Variants in PRKN observed in about 807,000 individuals in gnomAD.
PRKN encodes E3 ubiquitin-protein ligase parkin.
Under a neutral mutation model 59.5 loss-of-function variants are expected in PRKN, and 56 were observed. The ratio of observed to expected loss-of-function variants is 0.94; its 90% confidence interval spans 0.76 to 1.18. The LOEUF (loss-of-function observed/expected upper bound fraction) is 1.18. PRKN is among the 50% of genes most tolerant of loss of function. The pLI is 0.00. For missense variants in PRKN, 657 were observed against 596.4 expected, an observed-to-expected ratio of 1.10 and a Z score of -1.06; for synonymous variants, 250 against 222.1, an observed-to-expected ratio of 1.13 and a Z score of -1.12.
chr6:162,177,118 G>A (rs1031589750), intron 4 of PRKN, among the ~76,000 whole-genome samples: 7 of 151,522 alleles, frequency 4.6e-5, no homozygotes, highest in Non-Finnish European at 8.8e-5. Context: ...ACACACACAT[G>A]CACAGGCACT....
At chr6:162,523,376 C>T (rs970633925) in intron 1 of PRKN, among the ~76,000 whole-genome samples, 6 of 151,986 alleles carry the variant, frequency 3.9e-5, no homozygotes, top group African/African-American at 1.4e-4. Flanking sequence ...AGAAAAACTC[C>T]ATTGGGCTAG....
At chr6:162,189,840 TCATTTGTTTGTAGCA>T (rs67582702) in intron 4 of PRKN, among the ~76,000 whole-genome samples, 44,571 of 152,022 alleles carry the variant, frequency 0.29, 7,795 homozygotes, top group Non-Finnish European at 0.38. Context: ...AGCATGGTTC[TCATTTGTTTGTAGCA>T]CATTATGGGA....
At chr6:162,500,781 GA>G (rs1184444269) in intron 1 of PRKN, among the ~76,000 whole-genome samples, 2 of 152,170 alleles carry the variant, frequency 1.3e-5, no homozygotes, top group African/African-American at 4.8e-5. Context: ...TGTATTGAAA[GA>G]AGGGCCTTAA....
chr6:162,147,885 A>G (rs1339253865), intron 4 of PRKN, among the ~76,000 whole-genome samples: 1 of 152,234 alleles, frequency 6.6e-6, no homozygotes, highest in Non-Finnish European at 1.5e-5. Context: ...TTGTCCACAG[A>G]AATAACTTAT....
intron 2 of PRKN, among the ~76,000 whole-genome samples, chr6:162,325,776 A>G (rs1783240120): frequency 6.6e-6 from 1 of 152,208 alleles, no homozygotes; most frequent in Admixed American, 6.5e-5. Context: ...TGCAAGTTTT[A>G]TGCCCTTTAG....
intron 6 of PRKN, 109 bp downstream of exon 6, chr6:161,973,193 G>T: frequency 2.6e-6 from 2 of 764,238 alleles, no homozygotes; most frequent in Non-Finnish European, 4.7e-6. Flanking sequence ...ACTGAGGAAG[G>T]CTCGTGTGGC....
At position 162,607,443 on chromosome 6, in the gene PRKN, A is replaced by G. The variant is rs559766805; in HGVS notation, c.7+120219T>C. Among the ~76,000 whole-genome samples the G allele has an allele frequency of 3.3e-5, 5 of 152,248 alleles. No homozygotes were observed. The South Asian group carries it at 1.0e-3, about 32-fold the overall frequency. On this transcript the variant is annotated intron_variant, in intron 1 of 11. Coordinates refer to ENST00000366898, the MANE Select transcript of PRKN (RefSeq NM_004562.3). ...ACTAATATTAGGTGGAGACAAAGCA[A>G]GTGAGACCAGAAGCACAACTTTACC...
At chr6:162,090,691 T>C (rs949384179) in intron 4 of PRKN, among the ~76,000 whole-genome samples, 17 of 152,192 alleles carry the variant, frequency 1.1e-4, no homozygotes, top group Non-Finnish European at 2.1e-4. Context: ...CCGTGATAAC[T>C]TTGCAATGAT....
chr6:161,558,082 C>T (rs13206853), intron 8 of PRKN, among the ~76,000 whole-genome samples: 2 of 152,190 alleles, frequency 1.3e-5, no homozygotes, highest in Non-Finnish European at 2.9e-5. Context: ...CACTTTGCTG[C>T]TCGGTTAATT....
At chr6:162,452,838 T>TAC (rs1192962152) in intron 1 of PRKN, among the ~76,000 whole-genome samples, 2 of 152,118 alleles carry the variant, frequency 1.3e-5, no homozygotes, top group Non-Finnish European at 2.9e-5. Context: ...ATACTCTGTC[T>TAC]ACAGGGCTGC....
At chr6:162,556,264 G>A (rs2128205064) in intron 1 of PRKN, among the ~76,000 whole-genome samples, 1 of 151,510 alleles carries the variant, frequency 6.6e-6, no homozygotes, top group Non-Finnish European at 1.5e-5. Flanking sequence ...GAAATGTTTT[G>A]GAAACCCAAG....
chr6:161,695,819 G>C (rs1473898758), intron 7 of PRKN, among the ~76,000 whole-genome samples: 2 of 152,186 alleles, frequency 1.3e-5, no homozygotes, highest in Non-Finnish European at 2.9e-5. Flanking sequence ...AGAGAAAAGA[G>C]TGAGGAGGTG....
chr6:162,284,378 C>G (rs1237231725), intron 2 of PRKN, among the ~76,000 whole-genome samples: 3 of 152,082 alleles, frequency 2.0e-5, no homozygotes, highest in East Asian at 3.9e-4. Flanking sequence ...ACATGTGCAA[C>G]CATGCCCAGC....
chr6:162,174,375 G>C (rs80168610), intron 4 of PRKN, among the ~76,000 whole-genome samples: 2,712 of 152,128 alleles, frequency 0.018, 67 homozygotes, highest in African/African-American at 0.054. Context: ...AGTCCTTGCC[G>C]TCCCCTCAAC....
At chr6:161,745,312 GC>G (rs1381726902) in intron 7 of PRKN, among the ~76,000 whole-genome samples, 5 of 152,310 alleles carry the variant, frequency 3.3e-5, no homozygotes, top group African/African-American at 1.2e-4. Context: ...GGAGGTGGTG[GC>G]CTTGCCAGAG....
At chr6:161,679,464 G>A (rs1347976007) in intron 7 of PRKN, among the ~76,000 whole-genome samples, 1 of 151,910 alleles carries the variant, frequency 6.6e-6, no homozygotes, top group African/African-American at 2.4e-5. Context: ...AACAAGGACT[G>A]GGAATGTCCT....
chr6:162,305,440 T>C (rs1281883222), intron 2 of PRKN, among the ~76,000 whole-genome samples: 2 of 152,164 alleles, frequency 1.3e-5, no homozygotes, highest in African/African-American at 2.4e-5. Flanking sequence ...ATGTTTCATA[T>C]AATGTTTCTG....
At chr6:162,605,404 T>G (rs2128217832) in intron 1 of PRKN, among the ~76,000 whole-genome samples, 1 of 152,234 alleles carries the variant, frequency 6.6e-6, no homozygotes, top group Non-Finnish European at 1.5e-5. Flanking sequence ...CAGTGAAATT[T>G]TATCAATATC....
intron 7 of PRKN, among the ~76,000 whole-genome samples, chr6:161,619,124 C>T (rs1045673473): frequency 2.6e-5 from 4 of 151,596 alleles, no homozygotes; most frequent in African/African-American, 9.7e-5. Context: ...CACAAAAAGG[C>T]TGAAGATCTA....
Sources: allele counts gnomAD v4.1 joint callset (sites outside exome capture counted in the v4.1 genomes callset), GRCh38; gene constraint gnomAD v4.1.1; transcripts MANE v1.5; gene names NCBI Gene and HGNC (gene_info 2026-07-23, HGNC 2026-07-21).